Variants in KLF8 observed in about 807,000 individuals in gnomAD.
The protein encoded by KLF8 is KLF transcription factor 8.
A neutral mutation model predicts 18.2 loss-of-function variants in KLF8; 10 were observed. That is an observed-to-expected ratio of 0.55 (90% CI 0.34 to 0.93). The LOEUF (loss-of-function observed/expected upper bound fraction) is 0.93. Ranked by LOEUF, KLF8 falls within the 40% of genes least tolerant of loss-of-function variation. The pLI, the probability that KLF8 is intolerant of heterozygous loss-of-function variation, is 0.02. For missense variants in KLF8, 264 were observed against 277.9 expected, an observed-to-expected ratio of 0.95 and a Z score of 0.36; for synonymous variants, 109 against 97.3, an observed-to-expected ratio of 1.12 and a Z score of -0.71.
the KLF8 span, among the ~76,000 whole-genome samples, chrX:56,161,453 A>G: frequency 9.0e-6 from 1 of 111,577 alleles, no homozygotes; most frequent in African/African-American, 3.2e-5. Context: ...ATTTGTTGGA[A>G]GCTTTGTTCA....
chrX:55,990,893 G>C, the KLF8 span, among the ~76,000 whole-genome samples: 1 of 111,836 alleles, frequency 8.9e-6, no homozygotes, highest in Non-Finnish European at 1.9e-5. Context: ...AGCCGTATGA[G>C]GTGTCAGTCT....
chrX:56,077,774 A>G, the KLF8 span, among the ~76,000 whole-genome samples: 13,959 of 111,296 alleles, frequency 0.13, 1,609 homozygotes, highest in African/African-American at 0.37. Context: ...CTACCCATGA[A>G]CATGGAATGT....
the KLF8 span, among the ~76,000 whole-genome samples, chrX:56,194,134 C>G: frequency 4.5e-4 from 50 of 110,892 alleles, 1 homozygote; most frequent in Non-Finnish European, 8.1e-4. Context: ...CAGGCTGCAG[C>G]TCCCAGCGTG....
the KLF8 span, among the ~76,000 whole-genome samples, chrX:56,131,211 A>G: frequency 8.9e-6 from 1 of 112,116 alleles, no homozygotes; most frequent in Admixed American, 9.5e-5. Context: ...AGTCAAGATG[A>G]AGAAAAGAAT....
chrX:55,998,501 C>T, the KLF8 span, among the ~76,000 whole-genome samples: 1 of 112,475 alleles, frequency 8.9e-6, no homozygotes, highest in Non-Finnish European at 1.9e-5. Flanking sequence ...TCTTAAAGAG[C>T]GTGTTGCCTT....
chrX:55,990,139 CT>C, the KLF8 span, among the ~76,000 whole-genome samples: 1 of 111,541 alleles, frequency 9.0e-6, no homozygotes, highest in Non-Finnish European at 1.9e-5. Context: ...TTTTGTTGAT[CT>C]TTTCAAAAAA....
At chrX:56,098,000 G>A in the KLF8 span, among the ~76,000 whole-genome samples, 1 of 110,804 alleles carries the variant, frequency 9.0e-6, no homozygotes, top group African/African-American at 3.3e-5. Flanking sequence ...TTAATAGGAG[G>A]TGTTTGTATC....
chrX:56,034,805 G>T, the KLF8 span, among the ~76,000 whole-genome samples: 1 of 88,670 alleles, frequency 1.1e-5, no homozygotes, highest in Non-Finnish European at 2.1e-5. Flanking sequence ...GCCCAGGCTG[G>T]AGTGCAGTGG....
the KLF8 span, among the ~76,000 whole-genome samples, chrX:56,160,588 A>T: frequency 0.018 from 1,956 of 111,344 alleles, 22 homozygotes; most frequent in Non-Finnish European, 0.028. Context: ...TTGGGTGCAT[A>T]TATATTTAGG....
the KLF8 span, among the ~76,000 whole-genome samples, chrX:56,209,552 C>T: frequency 9.0e-6 from 1 of 111,656 alleles, no homozygotes; most frequent in Non-Finnish European, 1.9e-5. Context: ...TTGCTTGAAC[C>T]CATGAGGCAG....
the KLF8 span, among the ~76,000 whole-genome samples, chrX:56,188,351 C>T: frequency 9.0e-6 from 1 of 111,542 alleles, no homozygotes; most frequent in Non-Finnish European, 1.9e-5. Context: ...CTACAAACCA[C>T]TGCTCAATGA....
the KLF8 span, among the ~76,000 whole-genome samples, chrX:56,071,419 A>G: frequency 2.7e-5 from 3 of 111,760 alleles, no homozygotes; most frequent in East Asian, 8.4e-4. Context: ...AGGAATATAA[A>G]ATAAATTATA....
chrX:56,248,424 T>C (rs761345899), intron 1 of KLF8, among the ~76,000 whole-genome samples: 1 of 112,035 alleles, frequency 8.9e-6, no homozygotes, highest in South Asian at 3.8e-4. Context: ...AATACCGTGT[T>C]ACCCCCTCTT....
the KLF8 span, among the ~76,000 whole-genome samples, chrX:55,969,200 T>G: frequency 2.7e-5 from 3 of 112,007 alleles, no homozygotes; most frequent in Admixed American, 2.9e-4. Flanking sequence ...AGGCCATATG[T>G]TAGGCTACAA....
the KLF8 span, among the ~76,000 whole-genome samples, chrX:55,942,231 G>A: frequency 2.7e-5 from 3 of 110,991 alleles, no homozygotes; most frequent in Admixed American, 9.6e-5. Flanking sequence ...CATGGATGAA[G>A]CTGGAAACCA....
At chrX:56,187,837 A>C in the KLF8 span, among the ~76,000 whole-genome samples, 1 of 112,163 alleles carries the variant, frequency 8.9e-6, no homozygotes, top group African/African-American at 3.2e-5. Context: ...TTCATGCTAA[A>C]AACTCTCAAT....
the KLF8 span, among the ~76,000 whole-genome samples, chrX:56,078,509 A>G: frequency 2.7e-5 from 3 of 111,744 alleles, no homozygotes; most frequent in Non-Finnish European, 5.6e-5. Flanking sequence ...ATCATGGTGG[A>G]TAAGCTTTTT....
At chrX:56,016,253 T>G in the KLF8 span, among the ~76,000 whole-genome samples, 3 of 112,179 alleles carry the variant, frequency 2.7e-5, no homozygotes, top group African/African-American at 9.7e-5. Flanking sequence ...GTAATGTATG[T>G]GAAGTATATA....
chrX:56,002,417 ATGTG>A, the KLF8 span, among the ~76,000 whole-genome samples: 1,291 of 92,602 alleles, frequency 0.014, 37 homozygotes, highest in Admixed American at 0.087. Context: ...ATTTGTGTGT[ATGTG>A]TGTGTGTGTG....
Sources: allele counts gnomAD v4.1 joint callset (sites outside exome capture counted in the v4.1 genomes callset), GRCh38; gene constraint gnomAD v4.1.1; transcripts MANE v1.5; gene names NCBI Gene and HGNC (gene_info 2026-07-23, HGNC 2026-07-21).